ZC3H12B: variants seen among roughly 807,000 people sequenced by gnomAD.
ZC3H12B encodes probable ribonuclease ZC3H12B.
ZC3H12B carries 7 observed loss-of-function variants against 43.9 expected under a neutral mutation model. The ratio of observed to expected loss-of-function variants is 0.16; its 90% CI spans 0.09 to 0.30. ZC3H12B has a LOEUF of 0.30. Among genes scored for constraint, ZC3H12B ranks in the 10% least tolerant of loss-of-function variants. The pLI is 1.00. For missense variants in ZC3H12B, 475 were observed against 670.2 expected (o/e 0.71, Z 3.22); for synonymous variants, 222 against 241.7 (o/e 0.92, Z 0.76).
chrX:65,414,981 C>T (rs7884174), intron 3 of ZC3H12B, among the ~76,000 whole-genome samples: 16,032 of 111,604 alleles, frequency 0.14, 2,738 homozygotes, highest in African/African-American at 0.49. Flanking sequence ...AGAACATGTG[C>T]CCAACATGTG....
At chrX:65,340,035 C>T in the ZC3H12B span, among the ~76,000 whole-genome samples, 3 of 111,696 alleles carry the variant, frequency 2.7e-5, no homozygotes, top group Admixed American at 9.4e-5. Context: ...GGCACAGAGC[C>T]CACCAGCACC....
chrX:65,375,020 C>A (rs767081389), intron 2 of ZC3H12B, among the ~76,000 whole-genome samples: 1 of 111,640 alleles, frequency 9.0e-6, no homozygotes, highest in South Asian at 3.8e-4. Flanking sequence ...ATATCAGGCA[C>A]TGAAGTGGGT....
At chrX:65,472,825 G>GATATATATATATATATATAT (rs58372328) in intron 3 of ZC3H12B, among the ~76,000 whole-genome samples, 1 of 31,560 alleles carries the variant, frequency 3.2e-5, no homozygotes, top group Non-Finnish European at 4.9e-5. Context: ...CCATACCTTT[G>GATATATATATATATATATAT]ATATATATAT....
the ZC3H12B span, among the ~76,000 whole-genome samples, chrX:65,279,087 T>G: frequency 9.0e-6 from 1 of 111,000 alleles, no homozygotes; most frequent in African/African-American, 3.3e-5. Flanking sequence ...GTATTGTGAT[T>G]AATGAACATT....
the ZC3H12B span, among the ~76,000 whole-genome samples, chrX:65,206,147 G>A: frequency 9.0e-6 from 1 of 111,586 alleles, no homozygotes; most frequent in Non-Finnish European, 1.9e-5. Context: ...TCTTCACACA[G>A]CTAGAAAATA....
At chrX:65,357,085 G>T in the ZC3H12B span, 1 of 544,206 alleles carries the variant, frequency 1.8e-6, no homozygotes, top group African/African-American at 2.2e-5. Flanking sequence ...GCCAGTCACT[G>T]CCCACCACAA....
the ZC3H12B span, among the ~76,000 whole-genome samples, chrX:65,332,581 A>C: frequency 9.0e-6 from 1 of 111,535 alleles, no homozygotes; most frequent in Admixed American, 9.5e-5. Flanking sequence ...TTAGAATTAG[A>C]ATACTGATAC....
At chrX:65,298,390 A>G in the ZC3H12B span, among the ~76,000 whole-genome samples, 3 of 112,352 alleles carry the variant, frequency 2.7e-5, no homozygotes, top group East Asian at 8.4e-4. Context: ...GGGATGCAGT[A>G]AAAGAAGTGA....
intron 3 of ZC3H12B, among the ~76,000 whole-genome samples, chrX:65,453,458 T>A (rs900847214): frequency 1.0e-5 from 1 of 96,803 alleles, no homozygotes; most frequent in African/African-American, 3.7e-5. Context: ...CGGTTGCTCA[T>A]GCCTGTAATT....
the ZC3H12B span, among the ~76,000 whole-genome samples, chrX:65,058,543 A>G: frequency 9.0e-6 from 1 of 111,305 alleles, no homozygotes; most frequent in African/African-American, 3.3e-5. Flanking sequence ...TTGAGGAGGC[A>G]GTCTGTCTGT....
At chrX:65,312,805 C>T in the ZC3H12B span, among the ~76,000 whole-genome samples, 505 of 111,906 alleles carry the variant, frequency 4.5e-3, 2 homozygotes, top group Middle Eastern at 9.2e-3. Flanking sequence ...ACACTTATCC[C>T]TCTCCTGAGA....
At chrX:65,179,733 C>T in the ZC3H12B span, among the ~76,000 whole-genome samples, 25 of 111,477 alleles carry the variant, frequency 2.2e-4, no homozygotes, top group South Asian at 7.5e-4. Flanking sequence ...AAACTCTATG[C>T]GAATTGCTAC....
chrX:65,306,776 T>C, the ZC3H12B span, among the ~76,000 whole-genome samples: 2 of 112,323 alleles, frequency 1.8e-5, no homozygotes, highest in African/African-American at 6.5e-5. Flanking sequence ...AACCCAAAAG[T>C]CTATTAACAG....
chrX:65,497,261 A>G, exon 2 of ZC3H12B: 4 of 1,207,920 alleles, frequency 3.3e-6, no homozygotes, highest in Non-Finnish European at 3.4e-6. Flanking sequence ...GCCCTGATGC[A>G]CCAATTACAG....
the ZC3H12B span, among the ~76,000 whole-genome samples, chrX:65,212,211 ATATAT>A: frequency 2.1e-5 from 1 of 47,739 alleles, no homozygotes; most frequent in Non-Finnish European, 3.4e-5. Context: ...TTATTATATA[ATATAT>A]TATATATTAT....
chrX:65,221,293 G>T, the ZC3H12B span, among the ~76,000 whole-genome samples: 1 of 111,321 alleles, frequency 9.0e-6, no homozygotes, highest in Non-Finnish European at 1.9e-5. Flanking sequence ...GTTTCAAGGA[G>T]CTAGAGAAAC....
chrX:65,368,738 A>G (rs779175968), intron 1 of ZC3H12B, 91 bp from the exon 4 acceptor site: 2 of 112,135 alleles, frequency 1.8e-5, no homozygotes, highest in African/African-American at 6.5e-5. Context: ...ATAATACTGA[A>G]CTTTAAATGG....
At chrX:65,329,803 G>A in the ZC3H12B span, among the ~76,000 whole-genome samples, 2 of 111,403 alleles carry the variant, frequency 1.8e-5, no homozygotes, top group African/African-American at 6.5e-5. Flanking sequence ...TTAGTAATAG[G>A]GAATCCTTTC....
At chrX:65,230,458 A>T in the ZC3H12B span, among the ~76,000 whole-genome samples, 2 of 109,051 alleles carry the variant, frequency 1.8e-5, no homozygotes, top group Admixed American at 9.9e-5. Flanking sequence ...TGGGTGCAGC[A>T]CACCAGCATG....
Sources: gnomAD v4.1 joint callset for allele counts (sites outside exome capture counted in the v4.1 genomes callset) on GRCh38, gnomAD v4.1.1 for gene constraint, MANE v1.5 for transcripts, NCBI Gene and HGNC (gene_info 2026-07-23, HGNC 2026-07-21) for gene names.